Variants in STEAP1B observed in about 807,000 individuals in gnomAD.
The protein encoded by STEAP1B is STEAP family protein MGC87042.
STEAP1B carries 13 observed loss-of-function variants against 27.9 expected under a neutral mutation model. The ratio of observed to expected loss-of-function variants is 0.47; its 90% CI spans 0.30 to 0.74. STEAP1B has a LOEUF of 0.74. Among genes scored for constraint, STEAP1B ranks in the 30% least tolerant of loss-of-function variants. The pLI, the probability that STEAP1B is intolerant of heterozygous loss-of-function variation, is 0.06. For synonymous variants in STEAP1B, 86 were observed against 107.1 expected (o/e 0.80, Z 1.22); for missense variants, 250 against 298.7 (o/e 0.84, Z 1.20).
At chr7:22,461,202 T>C (rs977408798) in intron 4 of STEAP1B, among the ~76,000 whole-genome samples, 6 of 152,198 alleles carry the variant, frequency 3.9e-5, no homozygotes, top group African/African-American at 1.4e-4. Flanking sequence ...CAGTTTCCGA[T>C]GAGGTTTCAA....
intron 4 of STEAP1B, among the ~76,000 whole-genome samples, chr7:22,465,704 A>G (rs560514671): frequency 6.6e-6 from 1 of 152,298 alleles, no homozygotes; most frequent in Non-Finnish European, 1.5e-5. Flanking sequence ...AGAGCCAGCA[A>G]AAGAGACATG....
At chr7:22,481,976 A>T (rs1786083078) in intron 4 of STEAP1B, among the ~76,000 whole-genome samples, 1 of 152,210 alleles carries the variant, frequency 6.6e-6, no homozygotes, top group Non-Finnish European at 1.5e-5. Flanking sequence ...AAACCCACGA[A>T]AGCCGGAATC....
intron 4 of STEAP1B, among the ~76,000 whole-genome samples, chr7:22,480,490 T>C (rs1327453834): frequency 6.6e-6 from 1 of 152,198 alleles, no homozygotes; most frequent in African/African-American, 2.4e-5. Context: ...ATGGATTAAA[T>C]TTATGGCAAT....
chr7:22,443,483 C>T (rs1472050930), intron 4 of STEAP1B, among the ~76,000 whole-genome samples: 3 of 152,144 alleles, frequency 2.0e-5, no homozygotes, highest in African/African-American at 7.2e-5. Context: ...AATGAAAGAC[C>T]ATGGGTAGTC....
intron 4 of STEAP1B, among the ~76,000 whole-genome samples, chr7:22,476,825 C>T (rs1446945833): frequency 6.6e-6 from 1 of 152,178 alleles, no homozygotes; most frequent in Non-Finnish European, 1.5e-5. Context: ...CATGGCTGTA[C>T]TGGGTTCTCA....
Position 22,443,099 on chromosome 7 carries a change from T to C in STEAP1B, c.763-23263A>G, listed in dbSNP as rs149686060. Among the ~76,000 whole-genome samples the C allele has an allele frequency of 5.0e-3, 755 of 152,292 alleles. 5 individuals carry two copies. Among genetic ancestry groups the C allele is most frequent in the African/African-American group, 0.017 (719 of 41,566 alleles). ...GTTTGCCAGTGTCAGATCTGCATAG[T>C]GATCTTCCTTTCCTAATCCTGCTTC... On this transcript the variant is annotated intron_variant, in intron 4 of 4. Coordinates refer to ENST00000678116, the MANE Select transcript of STEAP1B (RefSeq NM_001382447.1).
chr7:22,452,889 A>AT, intron 4 of STEAP1B, among the ~76,000 whole-genome samples: 1 of 152,142 alleles, frequency 6.6e-6, no homozygotes, highest in Non-Finnish European at 1.5e-5. Context: ...GCTAATCCCA[A>AT]TACCAGTCCC....
intron 4 of STEAP1B, among the ~76,000 whole-genome samples, chr7:22,439,642 CT>C: frequency 6.6e-6 from 1 of 152,200 alleles, no homozygotes; most frequent in South Asian, 2.1e-4. Flanking sequence ...AAATAATGTT[CT>C]TACTAAATTC....
At chr7:22,457,313 G>T (rs1361638890) in intron 4 of STEAP1B, among the ~76,000 whole-genome samples, 1 of 152,196 alleles carries the variant, frequency 6.6e-6, no homozygotes, top group South Asian at 2.1e-4. Flanking sequence ...AGCAGAAAAG[G>T]TGATTACCCT....
chr7:22,442,173 G>A (rs1335108300), intron 4 of STEAP1B, among the ~76,000 whole-genome samples: 2 of 152,196 alleles, frequency 1.3e-5, no homozygotes, highest in Non-Finnish European at 2.9e-5. Context: ...CAACAATGAT[G>A]GGTAAAAAGA....
intron 4 of STEAP1B, among the ~76,000 whole-genome samples, chr7:22,423,562 G>A (rs1252991915): frequency 6.6e-5 from 10 of 152,196 alleles, no homozygotes; most frequent in Admixed American, 6.5e-4. Flanking sequence ...CAGGAATAGG[G>A]AAATCCATAG....
At chr7:22,470,499 C>T (rs189439679) in intron 4 of STEAP1B, among the ~76,000 whole-genome samples, 3 of 152,122 alleles carry the variant, frequency 2.0e-5, no homozygotes, top group Non-Finnish European at 2.9e-5. Context: ...ATTAGAACAC[C>T]ACAGTAATCG....
In STEAP1B at chr7:22,419,787, G is replaced by A; in HGVS notation, c.*17C>T. 1 of 1,549,134 alleles carries A rather than the reference G, an allele frequency of 6.5e-7. No homozygotes were observed. Among genetic ancestry groups the A allele is most frequent in the Non-Finnish European group, 8.7e-7 (1 of 1,145,602 alleles). ...AAGCCTCGTTCTCATTTCCTCTCAT[G>A]TTACTGGCAGGATCTGTCACAAGGT... On this transcript the variant is annotated 3_prime_UTR_variant, in exon 5 of 5. Transcript: ENST00000678116.
chr7:22,472,036 C>G (rs1195378533), intron 4 of STEAP1B, among the ~76,000 whole-genome samples: 2 of 151,646 alleles, frequency 1.3e-5, no homozygotes, highest in Non-Finnish European at 2.9e-5. Context: ...CTAACAAGAA[C>G]TGGGTACTTA....
chr7:22,489,391 G>A (rs530371235), intron 4 of STEAP1B, among the ~76,000 whole-genome samples: 12 of 152,292 alleles, frequency 7.9e-5, no homozygotes, highest in African/African-American at 2.6e-4. Flanking sequence ...TAGTTGATAT[G>A]TCTGATAATT....
intron 4 of STEAP1B, among the ~76,000 whole-genome samples, chr7:22,457,689 T>C (rs1468414543): frequency 6.6e-6 from 1 of 152,262 alleles, no homozygotes; most frequent in African/African-American, 2.4e-5. Context: ...ACTTTCCATG[T>C]GACTGCACCT....
chr7:22,451,727 A>G (rs1252977619), intron 4 of STEAP1B, among the ~76,000 whole-genome samples: 2 of 152,244 alleles, frequency 1.3e-5, no homozygotes, highest in East Asian at 3.8e-4. Flanking sequence ...CATCCCAGGG[A>G]TAAATCCCAC....
At chr7:22,425,339 A>C (rs774997229) in intron 4 of STEAP1B, among the ~76,000 whole-genome samples, 17 of 152,232 alleles carry the variant, frequency 1.1e-4, no homozygotes, top group Non-Finnish European at 1.8e-4. Flanking sequence ...GCATCCACCA[A>C]CTGGGGCCGT....
At chr7:22,442,343 C>A (rs1264486320) in intron 4 of STEAP1B, among the ~76,000 whole-genome samples, 3 of 152,264 alleles carry the variant, frequency 2.0e-5, no homozygotes, top group Non-Finnish European at 4.4e-5. Context: ...GAAGTCAAGA[C>A]GACAAACGTG....
Sources: allele counts gnomAD v4.1 joint callset (sites outside exome capture counted in the v4.1 genomes callset), GRCh38; gene constraint gnomAD v4.1.1; transcripts MANE v1.5; gene names NCBI Gene and HGNC (gene_info 2026-07-23, HGNC 2026-07-21).